The following TRIM54 variants were observed in gnomAD, a reference collection of about 807,000 sequenced individuals.
TRIM54 encodes tripartite motif-containing protein 54.
Under a neutral mutation model 42.0 loss-of-function variants are expected in TRIM54, and 40 were observed. That is an observed-to-expected ratio of 0.95 (90% confidence interval 0.74 to 1.24). The LOEUF is 1.24. Ranked by LOEUF, TRIM54 falls within the 50% of genes most tolerant of loss-of-function variation. The pLI is 0.00. For synonymous variants in TRIM54, 199 were observed against 194.9 expected (o/e 1.02, Z -0.17); for missense variants, 485 against 480.3 (o/e 1.01, Z -0.09).
chr2:27,306,089 G>A lies in TRIM54; in HGVS notation c.853G>A (p.Glu285Lys). The A allele has an allele frequency of 6.2e-7, 1 of 1,613,922 alleles. No homozygotes were observed. Reference protein sequence around the residue: ...QMALYLQQAKELINKVGAMSK... With the variant: ...QMALYLQQAKKLINKVGAMSK... Reference sequence around the variant, plus strand: ...CTTTTCTTCCCTGCAGCAGGCCAAGGAGCTGATCAATAAGTGAGTAGGCAT... The same window carrying A: ...CTTTTCTTCCCTGCAGCAGGCCAAGAAGCTGATCAATAAGTGAGTAGGCAT... Residue 285 changes from glutamate to lysine, a missense_variant, in exon 6 of 9, where the codon GAG becomes AAG. Coordinates refer to ENST00000380075, the MANE Select transcript of TRIM54 (RefSeq NM_187841.3). The surrounding 1 kb of genome is among the most constrained non-coding windows in gnomAD (Gnocchi z 6.1).
chr2:27,298,781 G>A (rs1445181777), intron 2 of TRIM54, 42 bp downstream of exon 2: 1 of 1,600,220 alleles, frequency 6.2e-7, no homozygotes, highest in Non-Finnish European at 8.5e-7. Flanking sequence ...GACAGGGCTT[G>A]GGACACAGCC....
intron 2 of TRIM54, among the ~76,000 whole-genome samples, chr2:27,298,985 C>T (rs1572526169): frequency 1.3e-5 from 2 of 152,336 alleles, no homozygotes; most frequent in South Asian, 2.1e-4. Flanking sequence ...GCAAGATCCT[C>T]GCTAACCCTC....
At chr2:27,293,471 G>A (rs1256589002) in intron 1 of TRIM54, among the ~76,000 whole-genome samples, 3 of 152,146 alleles carry the variant, frequency 2.0e-5, no homozygotes. Flanking sequence ...AGGTCCATGG[G>A]AGGAGGTCTC....
At position 27,307,370 on chromosome 2, in the gene TRIM54, G is replaced by T; in HGVS notation, c.*485G>T. 7.4e-7 allele frequency: 1 copy of T among 1,345,644 alleles called. No individual in the cohort carries two copies. 83.4% of individuals were successfully genotyped at this position (1,345,644 alleles called of 1,614,324 possible). A position where few individuals can be genotyped will look rare whatever the true frequency, so the allele number is the denominator to read the frequency against. ...TTCCCACGGGTTCCCACGCTGCTGTGACTGCCCTGCCTCTACGACAAAAGC... is the reference window on the plus strand; with the variant it reads ...TTCCCACGGGTTCCCACGCTGCTGTTACTGCCCTGCCTCTACGACAAAAGC... On this transcript the variant is annotated 3_prime_UTR_variant, in exon 9 of 9. Coordinates refer to ENST00000380075, the MANE Select transcript of TRIM54 (RefSeq NM_187841.3). The surrounding 1 kb of genome is among the most constrained non-coding windows in gnomAD (Gnocchi z 6.9).
chr2:27,306,572 A>G lies in TRIM54; in HGVS notation c.*1+30A>G. The G allele has an allele frequency of 6.6e-7, 1 of 1,511,434 alleles. No homozygotes were observed. 93.6% of individuals were successfully genotyped at this position (1,511,434 alleles called of 1,614,324 possible). ...GAGCCGCCCGATGGGCCTTAAGGTGAGAGCGGCCTGAGGGGCTTGGGGTGG... is the reference window on the plus strand; with the variant it reads ...GAGCCGCCCGATGGGCCTTAAGGTGGGAGCGGCCTGAGGGGCTTGGGGTGG... On this transcript the variant is annotated intron_variant, in intron 8 of 8. Coordinates refer to ENST00000380075, the MANE Select transcript of TRIM54 (RefSeq NM_187841.3). This position sits in a 1 kb window ranked among gnomAD's most constrained non-coding sequence, Gnocchi z 6.1.
chr2:27,305,414 TTG>T (rs1679164943), intron 4 of TRIM54, 168 bp from the exon 5 acceptor site: 5 of 612,752 alleles, frequency 8.2e-6, no homozygotes, highest in Non-Finnish European at 1.5e-5. Context: ...CTTTAAAGCA[TTG>T]TGTTTTTATT....
rs759285968 is a variant in TRIM54 at position 27,299,349 on chromosome 2, G to C, written c.446G>C (p.Cys149Ser). The change falls in exon 3 of 9, where the codon TGC (cysteine) becomes TCC (serine). Residue 149 changes from cysteine (C) to serine (S), a missense_variant. Cys to Ser is a moderately radical substitution (Grantham distance 112). Coordinates refer to ENST00000380075, the MANE Select transcript of TRIM54 (RefSeq NM_187841.3). Reference protein sequence around the residue: ...LSCEVPTCSLCKVFGAHKDCE... With the variant: ...LSCEVPTCSLSKVFGAHKDCE... ...TGTGAGGTGCCCACCTGCTCTCTCT[G>C]CAAGGTCTTCGGTGCCCACAAGGAC... 4.3e-6 allele frequency: 7 copies of C among 1,614,144 alleles called. No individual in the cohort carries two copies. The East Asian group carries it at 1.6e-4, about 36-fold the overall frequency.
intron 3 of TRIM54, chr2:27,299,715 T>C (rs1678978399): frequency 1.6e-6 from 1 of 608,912 alleles, no homozygotes; most frequent in African/African-American, 1.9e-5. Context: ...TATCTATCTA[T>C]CATATTTTGA....
intron 1 of TRIM54, among the ~76,000 whole-genome samples, chr2:27,293,740 G>A (rs548682739): frequency 2.0e-5 from 3 of 152,206 alleles, no homozygotes; most frequent in East Asian, 1.9e-4. Flanking sequence ...AACAAAAAAC[G>A]GCCAGGTGAG....
chr2:27,302,504 A>C (rs1208200561), intron 3 of TRIM54, among the ~76,000 whole-genome samples: 4 of 148,576 alleles, frequency 2.7e-5, no homozygotes, highest in East Asian at 2.1e-4. Context: ...AAAATCAAGC[A>C]GATTAAGCCA....
At chr2:27,290,308 G>A (rs1014100361) in intron 1 of TRIM54, among the ~76,000 whole-genome samples, 11 of 152,328 alleles carry the variant, frequency 7.2e-5, no homozygotes, top group African/African-American at 2.6e-4. Flanking sequence ...AGTAATACAT[G>A]TGCTTCTTAA....
chr2:27,302,086 G>A (rs548974463), intron 3 of TRIM54, among the ~76,000 whole-genome samples: 10 of 151,484 alleles, frequency 6.6e-5, no homozygotes, highest in Admixed American at 3.9e-4. Flanking sequence ...CCCGGGAGGC[G>A]GAGGTTGCAG....
intron 3 of TRIM54, among the ~76,000 whole-genome samples, chr2:27,299,965 G>A (rs1038736783): frequency 2.0e-5 from 3 of 151,408 alleles, no homozygotes; most frequent in Middle Eastern, 3.5e-3. Flanking sequence ...GAGCCACTGC[G>A]CCCAGCTCCA....
intron 1 of TRIM54, among the ~76,000 whole-genome samples, chr2:27,289,149 A>G (rs1370806808): frequency 6.6e-6 from 1 of 152,196 alleles, no homozygotes; most frequent in South Asian, 2.1e-4. Context: ...AAATCAGGGT[A>G]GGGAGTAATT....
Position 27,307,056 on chromosome 2 carries a change from T to A in TRIM54, c.*171T>A, listed in dbSNP as rs1474507467. On this transcript the variant is annotated 3_prime_UTR_variant, in exon 9 of 9. Transcript: ENST00000380075. The surrounding 1 kb of genome is among the most constrained non-coding windows in gnomAD (Gnocchi z 6.9). ...GCTGCCCAACCCCGCAGCCTGGGCT[T>A]CGAAGGCGACCCGCCCACCATCCTG... 1 of 224,332 alleles carries A rather than the reference T, an allele frequency of 4.5e-6. No individual in the cohort carries two copies. Among genetic ancestry groups the A allele is most frequent in the Non-Finnish European group, 8.8e-6 (1 of 113,200 alleles). The allele number at this position is 224,332 out of a possible 1,614,324, so 13.9% of individuals were successfully genotyped here.
intron 1 of TRIM54, among the ~76,000 whole-genome samples, chr2:27,296,682 C>A (rs1023546175): frequency 6.6e-6 from 1 of 152,166 alleles, no homozygotes; most frequent in Non-Finnish European, 1.5e-5. Flanking sequence ...ACAAATTACA[C>A]AAAACATTTG....
intron 1 of TRIM54, among the ~76,000 whole-genome samples, chr2:27,285,908 C>T (rs925329937): frequency 6.6e-6 from 1 of 152,018 alleles, no homozygotes; most frequent in Non-Finnish European, 1.5e-5. Flanking sequence ...ACTAGACAGC[C>T]AGGAAGCAAA....
chr2:27,297,907 G>C (rs1010354438), intron 1 of TRIM54, among the ~76,000 whole-genome samples: 1 of 151,524 alleles, frequency 6.6e-6, no homozygotes, highest in Non-Finnish European at 1.5e-5. Context: ...CTTGAGCCCA[G>C]GAGGTCGAGG....
rs146348166 is a variant in TRIM54, at chr2:27,305,727, T to C, written c.753T>C (p.Arg251=). 1.5e-4 allele frequency: 237 copies of C among 1,611,200 alleles called. 1 individual carries two copies. The African/African-American group carries it at 3.0e-3, about 20-fold the overall frequency. Residue 251 remains arginine (R), a synonymous_variant, in exon 5 of 9, where the codon CGT becomes CGC. Coordinates refer to ENST00000380075, the MANE Select transcript of TRIM54 (RefSeq NM_187841.3). ...TGCAGCGCGTCCGCGGCCTCATCCG[T>C]CAGTATGGCGACCACCTGGAGGCCT... ...EKLQRVRGLI[R]QYGDHLEASS...
Sources: gnomAD v4.1 joint callset for allele counts (sites outside exome capture counted in the v4.1 genomes callset) on GRCh38, gnomAD v4.1.1 for gene constraint, Gnocchi (gnomAD v3.1) non-coding constraint, MANE v1.5 for transcripts, NCBI Gene and HGNC (gene_info 2026-07-23, HGNC 2026-07-21) for gene names.